Variants in ITGB6 observed in about 807,000 individuals in gnomAD.
ITGB6 encodes integrin subunit beta 6, also known as integrin beta-6.
ITGB6 carries 80 observed loss-of-function variants against 84.5 expected under a neutral mutation model. The observed-to-expected ratio is 0.95, with a 90% CI of 0.79 to 1.14. ITGB6 has a LOEUF of 1.14. Among genes scored for constraint, ITGB6 ranks in the 50% most tolerant of loss-of-function variants. The pLI, the probability that ITGB6 is intolerant of heterozygous loss-of-function variation, is 0.00. For synonymous variants in ITGB6, 383 were observed against 354.9 expected, an observed-to-expected ratio of 1.08 and a Z score of -0.89; for missense variants, 1,006 against 968.0, an observed-to-expected ratio of 1.04 and a Z score of -0.52.
intron 4 of ITGB6, among the ~76,000 whole-genome samples, chr2:160,189,473 C>G (rs928633195): frequency 1.1e-4 from 16 of 152,130 alleles, no homozygotes; most frequent in Non-Finnish European, 2.2e-4. Context: ...GGGCTAATAT[C>G]CAGAATCTAC....
At chr2:160,125,885 G>A (rs182480343) in intron 11 of ITGB6, among the ~76,000 whole-genome samples, 14 of 152,302 alleles carry the variant, frequency 9.2e-5, no homozygotes, top group Admixed American at 7.8e-4. Flanking sequence ...TAAAGAAGCA[G>A]GAGAGAATTG....
chr2:160,144,444 C>T (rs1684113648), intron 7 of ITGB6, among the ~76,000 whole-genome samples: 1 of 152,154 alleles, frequency 6.6e-6, no homozygotes, highest in African/African-American at 2.4e-5. Context: ...GGCTGTGAAG[C>T]ATGTGACATG....
intron 7 of ITGB6, among the ~76,000 whole-genome samples, chr2:160,164,403 C>T (rs1168045829): frequency 6.6e-6 from 1 of 152,022 alleles, no homozygotes; most frequent in African/African-American, 2.4e-5. Flanking sequence ...ATTGAAATCC[C>T]ATTTTAGGCT....
At chr2:160,167,205 C>T (rs1020391933) in intron 7 of ITGB6, among the ~76,000 whole-genome samples, 4 of 152,282 alleles carry the variant, frequency 2.6e-5, no homozygotes, top group African/African-American at 9.6e-5. Flanking sequence ...ATACAGGGCT[C>T]CTTCTAAAAG....
Position 160,101,823 on chromosome 2 carries a change from T to C in ITGB6, c.2280A>G (p.Pro760=), listed in dbSNP as rs749255138. The change falls in exon 15 of 15, where the codon CCA becomes CCG. Residue 760 remains proline, a synonymous_variant. Transcript: ENST00000283249. ...AAGTACTTGTGGATCCTCTGTAGAG[T>C]GGATTGGTTCCCTGGAAAAAAAAAA... ...SKAKWQTGTN[P]LYRGSTSTFK... is the part of the protein sequence containing the mutation. 18 of 1,528,094 alleles carry C rather than the reference T, an allele frequency of 1.2e-5. No homozygotes were observed. The highest frequency in any genetic ancestry group is 1.6e-5 in the Non-Finnish European group (18 of 1,130,004). The allele number at this position is 1,528,094 out of a possible 1,614,324, so 94.7% of individuals were successfully genotyped here. A position where few individuals can be genotyped will look rare whatever the true frequency, so the allele number is the denominator to read the frequency against.
At chr2:160,164,097 C>T (rs1684916365) in intron 7 of ITGB6, among the ~76,000 whole-genome samples, 1 of 152,200 alleles carries the variant, frequency 6.6e-6, no homozygotes, top group Non-Finnish European at 1.5e-5. Flanking sequence ...ACTCTGACCC[C>T]TCAGCTGGAG....
intron 5 of ITGB6, among the ~76,000 whole-genome samples, chr2:160,173,095 C>T (rs1685280154): frequency 6.6e-6 from 1 of 152,088 alleles, no homozygotes; most frequent in Non-Finnish European, 1.5e-5. Flanking sequence ...AAATTGAAGC[C>T]AAACTCATCA....
chr2:160,153,438 C>G (rs1280597451), intron 7 of ITGB6, among the ~76,000 whole-genome samples: 1 of 152,140 alleles, frequency 6.6e-6, no homozygotes, highest in Non-Finnish European at 1.5e-5. Context: ...AAAATTAATT[C>G]AAGATAGATT....
rs984031277 is a variant in ITGB6, at chr2:160,100,265, C to T, written c.*1471G>A. On this transcript the variant is annotated 3_prime_UTR_variant, in exon 15 of 15. Coordinates refer to ENST00000283249, the MANE Select transcript of ITGB6 (RefSeq NM_000888.5). ...AGCCTCCACTACATAATGAACTATT[C>T]ACCTAGTAAAAGCTTCACATTACAA... is the stretch of plus-strand genomic sequence containing the variant. The T allele has an allele frequency of 1.3e-5, 2 of 152,194 alleles. No individual in the cohort carries two copies. Among genetic ancestry groups the T allele is most frequent in the African/African-American group, 4.8e-5 (2 of 41,446 alleles). 9.4% of individuals were successfully genotyped at this position (152,194 alleles called of 1,614,324 possible).
chr2:160,188,659 T>C (rs1686007395), intron 4 of ITGB6, among the ~76,000 whole-genome samples: 1 of 151,958 alleles, frequency 6.6e-6, no homozygotes, highest in Non-Finnish European at 1.5e-5. Context: ...GCTAGAGTAC[T>C]GTGGCTCAGT....
At chr2:160,176,522 A>G (rs896489950) in intron 4 of ITGB6, among the ~76,000 whole-genome samples, 14 of 152,256 alleles carry the variant, frequency 9.2e-5, no homozygotes, top group Non-Finnish European at 4.4e-5. Context: ...ATTGTTCATC[A>G]GGTTTCATTG....
At chr2:160,190,230 G>C (rs1472749226) in intron 4 of ITGB6, among the ~76,000 whole-genome samples, 10 of 151,128 alleles carry the variant, frequency 6.6e-5, no homozygotes, top group Non-Finnish European at 1.5e-4. Context: ...GGGAGGGTTA[G>C]CATTAGGAGA....
intron 7 of ITGB6, among the ~76,000 whole-genome samples, chr2:160,167,621 G>A (rs1685047287): frequency 6.6e-6 from 1 of 152,142 alleles, no homozygotes; most frequent in Non-Finnish European, 1.5e-5. Flanking sequence ...CATTTTCCTC[G>A]GAAATGATCA....
intron 4 of ITGB6, 56 bp downstream of exon 4, chr2:160,195,313 G>A: frequency 6.2e-7 from 1 of 1,606,700 alleles, no homozygotes; most frequent in Non-Finnish European, 8.5e-7. Context: ...GCTCAGAGCG[G>A]GAGTATCTCC....
chr2:160,164,361 C>T lies in ITGB6; in HGVS notation c.1017+4851G>A, dbSNP rs189730558. ...GCTAGATATCCTGTGCGTTGTAAAT[C>T]TGTAAATCTCAAAGCATTTAGATCT... On this transcript the variant is annotated intron_variant, in intron 7 of 14. Transcript: ENST00000283249. Among the ~76,000 whole-genome samples the T allele has an allele frequency of 1.6e-3, 243 of 152,292 alleles. 1 individual carries two copies. The highest frequency in any genetic ancestry group is 2.0e-3 in the Non-Finnish European group (133 of 68,034).
intron 4 of ITGB6, among the ~76,000 whole-genome samples, chr2:160,186,648 A>G (rs1685909231): frequency 6.6e-6 from 1 of 152,196 alleles, no homozygotes; most frequent in Non-Finnish European, 1.5e-5. Context: ...TCATTCCACT[A>G]TAAAGACACA....
At chr2:160,107,890 T>A in intron 13 of ITGB6, 45 bp from the exon 14 acceptor site, 1 of 1,496,234 alleles carries the variant, frequency 6.7e-7, no homozygotes, top group South Asian at 1.3e-5. Context: ...AAATCAACAT[T>A]TTGACATCGG....
intron 8 of ITGB6, among the ~76,000 whole-genome samples, chr2:160,138,448 A>G (rs772129801): frequency 1.3e-5 from 2 of 152,176 alleles, no homozygotes; most frequent in Non-Finnish European, 2.9e-5. Context: ...CTATGACAAA[A>G]TACCTCAAGA....
intron 7 of ITGB6, among the ~76,000 whole-genome samples, chr2:160,163,811 G>A (rs369096815): frequency 1.3e-5 from 2 of 152,258 alleles, no homozygotes; most frequent in South Asian, 4.1e-4. Context: ...CATGCAATTT[G>A]CATAAGAAGG....
Sources: gnomAD v4.1 joint callset for allele counts (sites outside exome capture counted in the v4.1 genomes callset) on GRCh38, gnomAD v4.1.1 for gene constraint, MANE v1.5 for transcripts, NCBI Gene and HGNC (gene_info 2026-07-23, HGNC 2026-07-21) for gene names.